Variants in NOL4 observed in about 807,000 individuals in gnomAD.
NOL4 encodes nucleolar protein 4.
NOL4 carries 17 observed loss-of-function variants against 75.9 expected under a neutral mutation model. The ratio of observed to expected loss-of-function variants is 0.22; its 90% CI spans 0.15 to 0.34. NOL4 has a LOEUF of 0.34. Ranked by LOEUF, NOL4 falls within the 10% of genes least tolerant of loss-of-function variation. The pLI, the probability that NOL4 is intolerant of heterozygous loss-of-function variation, is 1.00. For missense variants in NOL4, 614 were observed against 793.5 expected, an observed-to-expected ratio of 0.77 and a Z score of 2.72; for synonymous variants, 292 against 289.9, an observed-to-expected ratio of 1.01 and a Z score of -0.07.
chr18:34,065,120 T>C (rs2077220263), intron 5 of NOL4, among the ~76,000 whole-genome samples: 1 of 151,928 alleles, frequency 6.6e-6, no homozygotes, highest in South Asian at 2.1e-4. Context: ...CTACGTCCTT[T>C]AGCAGAGAAA....
chr18:34,034,513 T>C (rs2075792216), intron 5 of NOL4, among the ~76,000 whole-genome samples: 1 of 151,990 alleles, frequency 6.6e-6, no homozygotes, highest in African/African-American at 2.4e-5. Context: ...CCAAGTCGGG[T>C]GGATCACTTG....
chr18:33,937,248 G>A (rs1224082548), intron 9 of NOL4, among the ~76,000 whole-genome samples: 1 of 152,096 alleles, frequency 6.6e-6, no homozygotes, highest in Non-Finnish European at 1.5e-5. Flanking sequence ...GGCTGAGGCT[G>A]CATAATAACA....
chr18:33,855,339 C>G (rs1311386072), intron 10 of NOL4, among the ~76,000 whole-genome samples: 1 of 152,064 alleles, frequency 6.6e-6, no homozygotes, highest in Non-Finnish European at 1.5e-5. Flanking sequence ...ACAATATGAT[C>G]TGATTAGAAT....
At chr18:33,960,315 A>G (rs976800677) in intron 6 of NOL4, among the ~76,000 whole-genome samples, 7 of 152,116 alleles carry the variant, frequency 4.6e-5, no homozygotes, top group Admixed American at 3.3e-4. Context: ...CAAAACATCT[A>G]TAGAAGGAAA....
chr18:33,926,355 T>C (rs1419381453), intron 9 of NOL4, among the ~76,000 whole-genome samples: 5 of 64,030 alleles, frequency 7.8e-5, no homozygotes, highest in Admixed American at 2.7e-4. Flanking sequence ...GAAGACTCCA[T>C]CTCAAAAAAA....
At chr18:33,885,258 C>T (rs2064566357) in intron 9 of NOL4, among the ~76,000 whole-genome samples, 1 of 151,972 alleles carries the variant, frequency 6.6e-6, no homozygotes, top group Non-Finnish European at 1.5e-5. Flanking sequence ...TAAACTCTCG[C>T]TATTTAAATC....
intron 1 of NOL4, among the ~76,000 whole-genome samples, chr18:34,155,346 C>T (rs1243010453): frequency 6.6e-6 from 1 of 151,832 alleles, no homozygotes; most frequent in Non-Finnish European, 1.5e-5. Flanking sequence ...ACAGACCATT[C>T]ATGAAGGATA....
At chr18:33,920,368 G>A (rs1180582630) in intron 9 of NOL4, among the ~76,000 whole-genome samples, 1 of 152,170 alleles carries the variant, frequency 6.6e-6, no homozygotes, top group Admixed American at 6.5e-5. Flanking sequence ...AGAGTTGGTG[G>A]TAGTTATATA....
intron 5 of NOL4, among the ~76,000 whole-genome samples, chr18:34,060,115 T>A (rs2077010050): frequency 1.3e-5 from 2 of 152,140 alleles, no homozygotes; most frequent in African/African-American, 4.8e-5. Flanking sequence ...GGGCTATGCT[T>A]TTGGATGGTT....
At chr18:34,185,652 T>C (rs1229756417) in intron 1 of NOL4, among the ~76,000 whole-genome samples, 1 of 152,188 alleles carries the variant, frequency 6.6e-6, no homozygotes, top group East Asian at 1.9e-4. Context: ...TGAGAATCTC[T>C]TGTTTCTCAT....
chr18:34,058,801 A>T (rs2076939180), intron 5 of NOL4, among the ~76,000 whole-genome samples: 1 of 152,136 alleles, frequency 6.6e-6, no homozygotes, highest in South Asian at 2.1e-4. Context: ...TATTAAATGG[A>T]TCTACCATGT....
At chr18:34,174,723 T>A (rs150624345) in intron 1 of NOL4, among the ~76,000 whole-genome samples, 2,477 of 152,172 alleles carry the variant, frequency 0.016, 30 homozygotes, top group Non-Finnish European at 0.023. Context: ...TTCCCCTCCC[T>A]GTGTCCATGT....
chr18:34,141,733 G>A (rs1417561254), intron 1 of NOL4, among the ~76,000 whole-genome samples: 18 of 152,148 alleles, frequency 1.2e-4, no homozygotes, highest in Admixed American at 1.2e-3. Context: ...GAAAACCTTA[G>A]AAGAAAACCT....
intron 6 of NOL4, among the ~76,000 whole-genome samples, chr18:33,990,523 T>C (rs892504249): frequency 2.6e-5 from 4 of 152,004 alleles, no homozygotes; most frequent in African/African-American, 9.7e-5. Context: ...CGATTTATAC[T>C]GCATGGTTGT....
chr18:34,032,777 A>T (rs2075704231), intron 5 of NOL4, among the ~76,000 whole-genome samples: 1 of 151,880 alleles, frequency 6.6e-6, no homozygotes, highest in Non-Finnish European at 1.5e-5. Context: ...ACCAACAAAC[A>T]CCAGGGTACA....
chr18:33,907,793 TG>T (rs1456387236), intron 9 of NOL4, among the ~76,000 whole-genome samples: 1 of 152,194 alleles, frequency 6.6e-6, no homozygotes, highest in Non-Finnish European at 1.5e-5. Context: ...AATTCATGTC[TG>T]GTACTTAACA....
At chr18:34,048,525 C>A in intron 5 of NOL4, 1 of 985,460 alleles carries the variant, frequency 1.0e-6, no homozygotes, top group Non-Finnish European at 1.2e-6. Context: ...AGGCGAGGTC[C>A]AACCTTTCTC....
chr18:34,207,714 T>C (rs2036219709), intron 1 of NOL4, among the ~76,000 whole-genome samples: 1 of 152,208 alleles, frequency 6.6e-6, no homozygotes, highest in South Asian at 2.1e-4. Flanking sequence ...GTTTTAGTTA[T>C]GTGCACTGTT....
intron 9 of NOL4, among the ~76,000 whole-genome samples, chr18:33,915,900 A>G (rs1447410582): frequency 6.6e-6 from 1 of 152,162 alleles, no homozygotes; most frequent in African/African-American, 2.4e-5. Flanking sequence ...CAATGTATAC[A>G]TGATTTCATT....
Sources: allele counts gnomAD v4.1 joint callset (sites outside exome capture counted in the v4.1 genomes callset), GRCh38; gene constraint gnomAD v4.1.1; transcripts MANE v1.5; gene names NCBI Gene and HGNC (gene_info 2026-07-23, HGNC 2026-07-21).